The following YPEL4 variants were observed in gnomAD, a reference collection of about 807,000 sequenced individuals.
The protein encoded by YPEL4 is yippee like 4.
In YPEL4, 5 loss-of-function variants were observed where a neutral mutation model predicts 16.3. The observed-to-expected ratio is 0.31, with a 90% confidence interval of 0.16 to 0.64. YPEL4 has a LOEUF of 0.64. Ranked by LOEUF, YPEL4 falls within the 30% of genes least tolerant of loss-of-function variation. The pLI, the probability that YPEL4 is intolerant of heterozygous loss-of-function variation, is 0.79. For synonymous variants in YPEL4, 61 were observed against 60.7 expected, an observed-to-expected ratio of 1.00 and a Z score of -0.02; for missense variants, 127 against 170.0, an observed-to-expected ratio of 0.75 and a Z score of 1.41.
chr11:57,648,670 G>C (rs1945758813), intron 1 of YPEL4: 1 of 152,600 alleles, frequency 6.6e-6, no homozygotes, highest in African/African-American at 2.4e-5. Context: ...AAGGCCGCCA[G>C]GCAGTCTCTC....
rs781156463 is a variant in YPEL4 at position 57,646,393 on chromosome 11, A to T, written c.198T>A (p.Gly66=). The change falls in exon 4 of 5, where the codon GGT becomes GGA. Residue 66 remains glycine (G), a synonymous_variant. Coordinates refer to ENST00000300022, the MANE Select transcript of YPEL4 (RefSeq NM_145008.3). ...AYLFNSVVNV[G]CGPAEQRLLL... is the part of the protein sequence containing the mutation. ...AGAGGCGCTGTTCAGCTGGCCCGCAACCCACGTTGACCCTGTCTCAGGAAA... is the reference window on the plus strand; with the variant it reads ...AGAGGCGCTGTTCAGCTGGCCCGCATCCCACGTTGACCCTGTCTCAGGAAA... 4.0e-5 allele frequency: 65 copies of T among 1,614,100 alleles called. No individual in the cohort carries two copies. The highest frequency in any genetic ancestry group is 5.5e-5 in the Non-Finnish European group (65 of 1,180,032).
chr11:57,645,861 G>T lies in YPEL4; in HGVS notation c.*120C>A. The T allele has an allele frequency of 1.1e-6, 1 of 909,398 alleles. No homozygotes were observed. Among genetic ancestry groups the T allele is most frequent in the South Asian group, 1.6e-5 (1 of 63,724 alleles). The allele number at this position is 909,398 out of a possible 1,614,324, so 56.3% of individuals were successfully genotyped here. On this transcript the variant is annotated 3_prime_UTR_variant, in exon 5 of 5. Transcript: ENST00000300022. ...GTGGATATGGTGGAGGCAGGGGAGGGGTTGGTTGGAGCCAGGTTTCCCCCA... is the reference window on the plus strand; with the variant it reads ...GTGGATATGGTGGAGGCAGGGGAGGTGTTGGTTGGAGCCAGGTTTCCCCCA...
chr11:57,646,752 C>T lies in YPEL4; in HGVS notation c.184G>A (p.Val62Met), dbSNP rs1458966226. 1.2e-6 allele frequency: 2 copies of T among 1,613,788 alleles called. No individual in the cohort carries two copies. The highest frequency in any genetic ancestry group is 8.5e-7 in the Non-Finnish European group (1 of 1,179,914). Reference sequence around the variant, plus strand: ...GCACAAGGAAAGAGGTAGACTCACACGGAGTTAAACAGGTAGGCTCGGCCA... The same window carrying T: ...GCACAAGGAAAGAGGTAGACTCACATGGAGTTAAACAGGTAGGCTCGGCCA... ...SHGRAYLFNS[V>M]VNVGCGPAEQ... is the part of the protein sequence containing the mutation. Residue 62 changes from valine to methionine, a missense_variant and splice_region_variant, in exon 3 of 5, where the codon GTG becomes ATG. Coordinates refer to ENST00000300022, the MANE Select transcript of YPEL4 (RefSeq NM_145008.3).
chr11:57,646,423 A>G lies in YPEL4; in HGVS notation c.186-18T>C. 1 of 1,613,878 alleles carries G rather than the reference A, an allele frequency of 6.2e-7. No individual in the cohort carries two copies. The highest frequency in any genetic ancestry group is 8.5e-7 in the Non-Finnish European group (1 of 1,179,968). On this transcript the variant is annotated intron_variant, in intron 3 of 4. Transcript: ENST00000300022. ...CGTTGACCCTGTCTCAGGAAACAGG[A>G]AGGACCCAGCACCCAGTGGGGTTGC...
chr11:57,646,204 A>G, intron 4 of YPEL4, 93 bp downstream of exon 4: 2 of 1,574,506 alleles, frequency 1.3e-6, no homozygotes, highest in Admixed American at 1.7e-5. Flanking sequence ...TCCTCTTTGG[A>G]CCATGCAAGG....
In YPEL4 at chr11:57,645,923, G is replaced by C; in HGVS notation, c.*58C>G. ...GTACTCATGCTGGTATAGACTGCTTGGCAGGGCCGTGGGGAGGGAGGGGCA... is the reference window on the plus strand; with the variant it reads ...GTACTCATGCTGGTATAGACTGCTTCGCAGGGCCGTGGGGAGGGAGGGGCA... On this transcript the variant is annotated 3_prime_UTR_variant, in exon 5 of 5. Transcript: ENST00000300022. 1 of 1,573,520 alleles carries C rather than the reference G, an allele frequency of 6.4e-7. No homozygotes were observed. Among genetic ancestry groups the C allele is most frequent in the Non-Finnish European group, 8.7e-7 (1 of 1,149,398 alleles).
Position 57,646,425 on chromosome 11 carries a change from G to A in YPEL4, c.186-20C>T, listed in dbSNP as rs1177807660. 11 of 1,613,748 alleles carry A rather than the reference G, an allele frequency of 6.8e-6. No individual in the cohort carries two copies. The highest frequency in any genetic ancestry group is 5.0e-5 in the Admixed American group (3 of 60,006). ...TTGACCCTGTCTCAGGAAACAGGAA[G>A]GACCCAGCACCCAGTGGGGTTGCAC... On this transcript the variant is annotated intron_variant, in intron 3 of 4. Transcript: ENST00000300022.
At chr11:57,646,448 C>T in intron 3 of YPEL4, 43 bp from the exon 4 acceptor site, 2 of 1,607,512 alleles carry the variant, frequency 1.2e-6, no homozygotes, top group Non-Finnish European at 1.7e-6. Context: ...AGTGGGGTTG[C>T]ACTGTCAGTC....
rs368689970 is a variant in YPEL4, at chr11:57,647,153, C to T, written c.-46G>A. Reference sequence around the variant, plus strand: ...CCTGGTGGGCTGGAGGGGCTGGCGCCGTGCAGCCCCCGCAGAGACGGTCGC... The same window carrying T: ...CCTGGTGGGCTGGAGGGGCTGGCGCTGTGCAGCCCCCGCAGAGACGGTCGC... On this transcript the variant is annotated 5_prime_UTR_variant, in exon 2 of 5. Transcript: ENST00000300022. The surrounding 1 kb of genome is among the most constrained non-coding windows in gnomAD (Gnocchi z 4.2). 20 of 1,507,104 alleles carry T rather than the reference C, an allele frequency of 1.3e-5. No homozygotes were observed. The highest frequency in any genetic ancestry group is 5.2e-5 in the South Asian group (4 of 77,454). The allele number at this position is 1,507,104 out of a possible 1,614,324, so 93.4% of individuals were successfully genotyped here.
At position 57,645,730 on chromosome 11, in the gene YPEL4, C is replaced by A; in HGVS notation, c.*251G>T. ...AGGATCTTGGGAACAGAAAGACCCA[C>A]AACCATCCCTTTCCCCCAGTTCTGT... On this transcript the variant is annotated 3_prime_UTR_variant, in exon 5 of 5. Transcript: ENST00000300022. The A allele has an allele frequency of 1.9e-6, 1 of 515,812 alleles. No individual in the cohort carries two copies. The highest frequency in any genetic ancestry group is 3.5e-6 in the Non-Finnish European group (1 of 289,386). 32.0% of individuals were successfully genotyped at this position (515,812 alleles called of 1,614,324 possible).
In YPEL4 at chr11:57,646,783, C is replaced by T; in HGVS notation, c.153G>A (p.Gly51=). 3 of 1,613,980 alleles carry T rather than the reference C, an allele frequency of 1.9e-6. No individual in the cohort carries two copies. Among genetic ancestry groups the T allele is most frequent in the Non-Finnish European group, 2.5e-6 (3 of 1,179,980 alleles). Reference sequence around the variant, plus strand: ...TAAACAGGTAGGCTCGGCCATGGCTCCCTTGGAAGGACTGTGGAGACATAG... The same window carrying T: ...TAAACAGGTAGGCTCGGCCATGGCTTCCTTGGAAGGACTGTGGAGACATAG... The part of the protein sequence containing the change: ...HDELISKSFQ[G]SHGRAYLFNS... Residue 51 remains glycine (G), a synonymous_variant, in exon 3 of 5, where the codon GGG becomes GGA. Coordinates refer to ENST00000300022, the MANE Select transcript of YPEL4 (RefSeq NM_145008.3).
chr11:57,645,638 A>G lies in YPEL4; in HGVS notation c.*343T>C, dbSNP rs187580312. On this transcript the variant is annotated 3_prime_UTR_variant, in exon 5 of 5. Transcript: ENST00000300022. ...CCTCTGTTCACTCAAAAAGAGGTGGAGCAAAAACGGATTCCTCCCACAATC... is the reference window on the plus strand; with the variant it reads ...CCTCTGTTCACTCAAAAAGAGGTGGGGCAAAAACGGATTCCTCCCACAATC... 176 of 273,452 alleles carry G rather than the reference A, an allele frequency of 6.4e-4. 1 individual carries two copies. The highest frequency in any genetic ancestry group is 3.6e-3 in the African/African-American group (168 of 46,166). 16.9% of individuals were successfully genotyped at this position (273,452 alleles called of 1,614,324 possible).
chr11:57,645,931 C>T lies in YPEL4; in HGVS notation c.*50G>A, dbSNP rs761283816. 7.5e-6 allele frequency: 12 copies of T among 1,590,794 alleles called. No homozygotes were observed. The highest frequency in any genetic ancestry group is 1.3e-5 in the African/African-American group (1 of 74,532). ...GCTGGTATAGACTGCTTGGCAGGGC[C>T]GTGGGGAGGGAGGGGCATGCGGAGG... On this transcript the variant is annotated 3_prime_UTR_variant, in exon 5 of 5. Transcript: ENST00000300022.
At position 57,645,881 on chromosome 11, in the gene YPEL4, C is replaced by T; in HGVS notation, c.*100G>A. On this transcript the variant is annotated 3_prime_UTR_variant, in exon 5 of 5. Transcript: ENST00000300022. ...GGAGGGGTTGGTTGGAGCCAGGTTT[C>T]CCCCAGGGGTGGGGCAGTACTCATG... 5.7e-6 allele frequency: 7 copies of T among 1,235,354 alleles called. No homozygotes were observed. Among genetic ancestry groups the T allele is most frequent in the Non-Finnish European group, 8.0e-6 (7 of 876,292 alleles). 76.5% of individuals were successfully genotyped at this position (1,235,354 alleles called of 1,614,324 possible).
At chr11:57,648,416 G>C (rs1384832776) in intron 1 of YPEL4, 2 of 152,374 alleles carry the variant, frequency 1.3e-5, no homozygotes, top group Non-Finnish European at 2.9e-5. Context: ...AGGATAAGAA[G>C]GGAGGTGGCC....
chr11:57,645,594 C>G lies in YPEL4; in HGVS notation c.*387G>C, dbSNP rs1266676693. 9.7e-6 allele frequency: 2 copies of G among 205,954 alleles called. No individual in the cohort carries two copies. Among genetic ancestry groups the G allele is most frequent in the East Asian group, 2.3e-4 (2 of 8,712 alleles). 12.8% of individuals were successfully genotyped at this position (205,954 alleles called of 1,614,324 possible). A position where few individuals can be genotyped will look rare whatever the true frequency, so the allele number is the denominator to read the frequency against. On this transcript the variant is annotated 3_prime_UTR_variant, in exon 5 of 5. Transcript: ENST00000300022. ...GTTCTGTGGTCCATGATCTACTTGCCCTGTGACCCAAGGTTTGTCCTCTGT... is the reference window on the plus strand; with the variant it reads ...GTTCTGTGGTCCATGATCTACTTGCGCTGTGACCCAAGGTTTGTCCTCTGT...
At chr11:57,649,629 G>C (rs1945767866) in intron 1 of YPEL4, 56 bp downstream of exon 1, 4 of 152,320 alleles carry the variant, frequency 2.6e-5, no homozygotes, top group Admixed American at 6.6e-5. Context: ...CACGCAGCAG[G>C]AGGAGGAAAT....
In YPEL4 at chr11:57,646,371, G is replaced by A. The variant is rs748698080; in HGVS notation, c.220C>T (p.Leu74Phe). The A allele has an allele frequency of 1.2e-6, 2 of 1,614,156 alleles. No individual in the cohort carries two copies. Among genetic ancestry groups the A allele is most frequent in the South Asian group, 2.2e-5 (2 of 91,086 alleles). ...NVGCGPAEQR[L>F]LLTGLHSVAD... ...ACCGAGTGGAGCCCCGTGAGCAAGA[G>A]GCGCTGTTCAGCTGGCCCGCAACCC... Residue 74 changes from leucine to phenylalanine, a missense_variant, in exon 4 of 5, where the codon CTC becomes TTC. Physicochemically the swap from Leu to Phe is conservative, Grantham distance 22. Coordinates refer to ENST00000300022, the MANE Select transcript of YPEL4 (RefSeq NM_145008.3).
chr11:57,647,173 G>T lies in YPEL4; in HGVS notation c.-66C>A. ...GGCGCCGTGCAGCCCCCGCAGAGACGGTCGCAGGTGAAGCAGCGGAGCAGG... is the reference window on the plus strand; with the variant it reads ...GGCGCCGTGCAGCCCCCGCAGAGACTGTCGCAGGTGAAGCAGCGGAGCAGG... On this transcript the variant is annotated 5_prime_UTR_variant, in exon 2 of 5. Coordinates refer to ENST00000300022, the MANE Select transcript of YPEL4 (RefSeq NM_145008.3). This position sits in a 1 kb window ranked among gnomAD's most constrained non-coding sequence, Gnocchi z 4.2. The T allele has an allele frequency of 2.0e-6, 3 of 1,481,374 alleles. No homozygotes were observed. The highest frequency in any genetic ancestry group is 1.4e-5 in the South Asian group (1 of 73,670). 91.8% of individuals were successfully genotyped at this position (1,481,374 alleles called of 1,614,324 possible). A position where few individuals can be genotyped will look rare whatever the true frequency, so the allele number is the denominator to read the frequency against.
Sources: allele counts gnomAD v4.1 joint callset, GRCh38; gene constraint gnomAD v4.1.1; non-coding constraint Gnocchi (gnomAD v3.1); transcripts MANE v1.5; gene names NCBI Gene and HGNC (gene_info 2026-07-23, HGNC 2026-07-21).